IARS1: variants seen among roughly 807,000 people sequenced by gnomAD.
IARS1 encodes the protein isoleucine--tRNA ligase, cytoplasmic.
Under a neutral mutation model 168.2 loss-of-function variants are expected in IARS1, and 124 were observed. That is an observed-to-expected ratio of 0.74 (90% CI 0.64 to 0.86). The LOEUF is 0.86. Among genes scored for constraint, IARS1 ranks in the 40% least tolerant of loss-of-function variants. The pLI is 0.00. For synonymous variants in IARS1, 532 were observed against 529.4 expected (o/e 1.00, Z -0.07); for missense variants, 1,452 against 1,515.8 (o/e 0.96, Z 0.70).
intron 31 of IARS1, among the ~76,000 whole-genome samples, chr9:92,223,839 T>C (rs1825201195): frequency 6.6e-6 from 1 of 152,224 alleles, no homozygotes; most frequent in Non-Finnish European, 1.5e-5. Flanking sequence ...AAAGTGCTAA[T>C]TACAGTCAGA....
At chr9:92,284,080 A>C (rs1189766598) in intron 6 of IARS1, among the ~76,000 whole-genome samples, 1 of 152,136 alleles carries the variant, frequency 6.6e-6, no homozygotes, top group Non-Finnish European at 1.5e-5. Context: ...CAGGGGGCTG[A>C]AAGGGGAGAT....
intron 33 of IARS1, among the ~76,000 whole-genome samples, chr9:92,215,389 T>C (rs1240689753): frequency 6.6e-6 from 1 of 152,186 alleles, no homozygotes; most frequent in African/African-American, 2.4e-5. Flanking sequence ...AGGAACACAG[T>C]TCCTCACCAG....
At chr9:92,274,323 G>T in intron 10 of IARS1, 103 bp downstream of exon 10, 1 of 823,644 alleles carries the variant, frequency 1.2e-6, no homozygotes. Flanking sequence ...AGCCAGAAAA[G>T]AGGCCAACCT....
intron 6 of IARS1, among the ~76,000 whole-genome samples, chr9:92,283,713 CGT>C (rs1269439067): frequency 6.6e-6 from 1 of 152,014 alleles, no homozygotes; most frequent in African/African-American, 2.4e-5. Context: ...CCAACTGAAA[CGT>C]GTACAAGACC....
At chr9:92,245,952 GT>G (rs1189730785) in intron 26 of IARS1, among the ~76,000 whole-genome samples, 2 of 151,860 alleles carry the variant, frequency 1.3e-5, no homozygotes, top group Non-Finnish European at 2.9e-5. Flanking sequence ...GTGTGTGTGT[GT>G]TTTTAGCAGA....
At chr9:92,264,509 T>C (rs1832002687) in intron 16 of IARS1, among the ~76,000 whole-genome samples, 1 of 152,160 alleles carries the variant, frequency 6.6e-6, no homozygotes, top group Non-Finnish European at 1.5e-5. Context: ...TTTTTTAGAA[T>C]GTTGATTTAT....
chr9:92,222,383 A>T, intron 33 of IARS1, 137 bp downstream of exon 33: 3 of 474,068 alleles, frequency 6.3e-6, no homozygotes, highest in Non-Finnish European at 1.1e-5. Context: ...AAATTATATT[A>T]TGGTAAATTT....
chr9:92,274,534 G>A lies in IARS1; in HGVS notation c.895-13C>T. The A allele has an allele frequency of 6.3e-7, 1 of 1,581,102 alleles. No homozygotes were observed. Among genetic ancestry groups the A allele is most frequent in the Non-Finnish European group, 8.7e-7 (1 of 1,150,228 alleles). ...CATTCTCTTTACACTGGAAAGAAAG[G>A]ACAGCAGGCTTCAGGGATGAAACAT... On this transcript the variant is annotated splice_polypyrimidine_tract_variant and intron_variant, in intron 9 of 33. Coordinates refer to ENST00000443024, the MANE Select transcript of IARS1 (RefSeq NM_002161.6).
intron 33 of IARS1, among the ~76,000 whole-genome samples, chr9:92,214,262 A>T (rs1237581202): frequency 4.0e-5 from 6 of 151,884 alleles, no homozygotes; most frequent in Non-Finnish European, 8.8e-5. Flanking sequence ...CGGAAACTCA[A>T]AGAATAGAAT....
intron 18 of IARS1, among the ~76,000 whole-genome samples, chr9:92,259,861 T>C (rs761506341): frequency 6.6e-6 from 1 of 152,180 alleles, no homozygotes; most frequent in Non-Finnish European, 1.5e-5. Context: ...AGAAAGGAAG[T>C]AAGGCAGAGG....
In IARS1 at chr9:92,256,711, A is replaced by G. The variant is rs758488069; in HGVS notation, c.2106T>C (p.Ser702=). ...TDRWILSFMQ[S]LIGFFETEMA... Reference sequence around the variant, plus strand: ...TTTCAGTCTCAAAGAAGCCAATGAGAGACTGCATGAAGGACAGGATCCACC... The same window carrying G: ...TTTCAGTCTCAAAGAAGCCAATGAGGGACTGCATGAAGGACAGGATCCACC... The change falls in exon 20 of 34, where the codon TCT becomes TCC. Residue 702 remains serine, a synonymous_variant. Transcript: ENST00000443024. 6.2e-7 allele frequency: 1 copy of G among 1,613,904 alleles called. No individual in the cohort carries two copies.
At chr9:92,259,272 G>A (rs1484315139) in intron 18 of IARS1, among the ~76,000 whole-genome samples, 4 of 152,126 alleles carry the variant, frequency 2.6e-5, no homozygotes, top group African/African-American at 9.7e-5. Context: ...CTCACTGCAG[G>A]ACCAATGGGG....
intron 22 of IARS1, among the ~76,000 whole-genome samples, chr9:92,251,433 G>A (rs1237483205): frequency 6.6e-6 from 1 of 152,054 alleles, no homozygotes; most frequent in East Asian, 1.9e-4. Context: ...AGTATTTTTT[G>A]TGATATATAT....
At chr9:92,268,723 C>G (rs1355919998) in intron 13 of IARS1, among the ~76,000 whole-genome samples, 2 of 152,240 alleles carry the variant, frequency 1.3e-5, no homozygotes, top group Non-Finnish European at 2.9e-5. Context: ...ATAGTCACCT[C>G]TCTGGTCATC....
At chr9:92,239,121 C>A (rs1417870578) in intron 30 of IARS1, among the ~76,000 whole-genome samples, 1 of 152,124 alleles carries the variant, frequency 6.6e-6, no homozygotes, top group African/African-American at 2.4e-5. Context: ...GAATTACCCT[C>A]CATTTTGATT....
intron 30 of IARS1, among the ~76,000 whole-genome samples, chr9:92,236,108 G>A (rs1355518448): frequency 2.0e-5 from 3 of 151,596 alleles, no homozygotes; most frequent in South Asian, 2.1e-4. Flanking sequence ...TCAGCCTCCC[G>A]AGTAGGCTGA....
intron 2 of IARS1, 50 bp from the exon 3 acceptor site, chr9:92,288,332 A>G: frequency 6.4e-7 from 1 of 1,559,464 alleles, no homozygotes; most frequent in African/African-American, 1.4e-5. Flanking sequence ...GCCAAAATTT[A>G]AGGCATTTTT....
At chr9:92,221,471 C>T (rs1448114014) in intron 33 of IARS1, among the ~76,000 whole-genome samples, 1 of 152,064 alleles carries the variant, frequency 6.6e-6, no homozygotes, top group Non-Finnish European at 1.5e-5. Flanking sequence ...AAAACAGATC[C>T]CACAAAGGGA....
chr9:92,236,870 T>C (rs1827623492), intron 30 of IARS1, among the ~76,000 whole-genome samples: 1 of 152,210 alleles, frequency 6.6e-6, no homozygotes, highest in African/African-American at 2.4e-5. Flanking sequence ...TGGAGATTTA[T>C]TCATAGTATT....
Sources: gnomAD v4.1 joint callset for allele counts (sites outside exome capture counted in the v4.1 genomes callset) on GRCh38, gnomAD v4.1.1 for gene constraint, MANE v1.5 for transcripts, NCBI Gene and HGNC (gene_info 2026-07-23, HGNC 2026-07-21) for gene names.